The following ARHGEF3 variants were observed in gnomAD, a reference collection of about 807,000 sequenced individuals.
ARHGEF3 encodes 59.8 kDA protein.
ARHGEF3 carries 28 observed loss-of-function variants against 63.2 expected under a neutral mutation model. The ratio of observed to expected loss-of-function variants is 0.44; its 90% confidence interval spans 0.33 to 0.61. ARHGEF3 has a LOEUF of 0.61. Among genes scored for constraint, ARHGEF3 ranks in the 20% least tolerant of loss-of-function variants. The pLI is 0.03. For synonymous variants in ARHGEF3, 266 were observed against 254.2 expected (o/e 1.05, Z -0.44); for missense variants, 533 against 659.3 (o/e 0.81, Z 2.10).
chr3:56,827,213 A>C (rs1298850772), intron 4 of ARHGEF3, among the ~76,000 whole-genome samples: 1 of 152,252 alleles, frequency 6.6e-6, no homozygotes, highest in East Asian at 1.9e-4. Context: ...AAATATAGTT[A>C]CAACTCGTAT....
chr3:57,013,495 T>G (rs1032543009), intron 2 of ARHGEF3, among the ~76,000 whole-genome samples: 3 of 152,178 alleles, frequency 2.0e-5, no homozygotes, highest in African/African-American at 7.2e-5. Flanking sequence ...AGCTAGAGGA[T>G]TGTAAATGCA....
chr3:56,975,535 A>G (rs975878201), intron 2 of ARHGEF3, among the ~76,000 whole-genome samples: 1 of 152,246 alleles, frequency 6.6e-6, no homozygotes, highest in Non-Finnish European at 1.5e-5. Context: ...TTTGTCCTCA[A>G]AAAACTTTTA....
At position 57,055,666 on chromosome 3, in the gene ARHGEF3, A is replaced by T. The variant is rs148326446; in HGVS notation, c.-27-20490T>A. On this transcript the variant is annotated intron_variant, in intron 1 of 12. Transcript: ENST00000338458. ...GGGTAAAGTCCTGTCAGCTATGACC[A>T]CAAACCAGGCACACAAAAAGACCAA... 3.2e-4 allele frequency among the ~76,000 whole-genome samples: 48 copies of T among 152,310 alleles called. No homozygotes were observed. In the East Asian group the frequency reaches 7.1e-3, roughly 23 times the overall value.
intron 4 of ARHGEF3, among the ~76,000 whole-genome samples, chr3:56,822,493 A>G (rs1315126942): frequency 6.6e-6 from 1 of 152,224 alleles, no homozygotes; most frequent in African/African-American, 2.4e-5. Flanking sequence ...ACTGTTTATG[A>G]GGGCACCTAT....
chr3:56,836,466 G>C (rs1430594660), intron 4 of ARHGEF3, among the ~76,000 whole-genome samples: 4 of 152,100 alleles, frequency 2.6e-5, no homozygotes, highest in African/African-American at 9.7e-5. Context: ...TATTTTTTCA[G>C]TGACTCATTC....
chr3:56,818,186 C>G (rs2038339492), intron 4 of ARHGEF3, among the ~76,000 whole-genome samples: 1 of 152,188 alleles, frequency 6.6e-6, no homozygotes, highest in Non-Finnish European at 1.5e-5. Context: ...CCAAACAGAA[C>G]TGGGTGACCC....
chr3:57,020,219 C>T (rs1211147613), intron 2 of ARHGEF3, among the ~76,000 whole-genome samples: 1 of 152,134 alleles, frequency 6.6e-6, no homozygotes, highest in Non-Finnish European at 1.5e-5. Context: ...CCTGAAACTT[C>T]AGGTAGGGAC....
At chr3:57,002,424 C>CTA (rs55778548) in intron 2 of ARHGEF3, among the ~76,000 whole-genome samples, 1,834 of 62,634 alleles carry the variant, frequency 0.029, 102 homozygotes, top group Middle Eastern at 0.12. Context: ...GTTCTAAGCA[C>CTA]TATATATATA....
chr3:56,947,105 C>T (rs569320376), intron 3 of ARHGEF3, among the ~76,000 whole-genome samples: 28 of 152,258 alleles, frequency 1.8e-4, no homozygotes, highest in Middle Eastern at 3.4e-3. Flanking sequence ...CCAGGCCTGC[C>T]CTAAAACAGC....
At chr3:56,822,262 C>T (rs58477766) in intron 4 of ARHGEF3, among the ~76,000 whole-genome samples, 94 of 152,244 alleles carry the variant, frequency 6.2e-4, no homozygotes, top group African/African-American at 2.2e-3. Context: ...CCCTTAAGAT[C>T]GCACAGCTAG....
intron 1 of ARHGEF3, among the ~76,000 whole-genome samples, chr3:56,795,185 A>C (rs2037288003): frequency 6.6e-6 from 1 of 152,160 alleles, no homozygotes; most frequent in Admixed American, 6.5e-5. Context: ...ATGTGGAACG[A>C]GTGGATACAG....
At chr3:57,067,538 T>C (rs968821793) in intron 1 of ARHGEF3, among the ~76,000 whole-genome samples, 2 of 149,854 alleles carry the variant, frequency 1.3e-5, no homozygotes, top group Non-Finnish European at 3.0e-5. Flanking sequence ...ATATTTGTTT[T>C]CAAATGCAAC....
At chr3:56,782,470 C>G (rs1464337918) in intron 1 of ARHGEF3, among the ~76,000 whole-genome samples, 1 of 151,906 alleles carries the variant, frequency 6.6e-6, no homozygotes, top group Admixed American at 6.6e-5. Flanking sequence ...TTTGTCTTGG[C>G]TAATCTCAAA....
intron 4 of ARHGEF3, among the ~76,000 whole-genome samples, chr3:56,856,701 G>GTGTTTTTT (rs2039895488): frequency 9.4e-6 from 1 of 106,574 alleles, no homozygotes; most frequent in Non-Finnish European, 2.1e-5. Context: ...ATCTTGAGAG[G>GTGTTTTTT]TTTTTTGTTT....
chr3:56,877,545 A>AT (rs914187847), intron 4 of ARHGEF3, among the ~76,000 whole-genome samples: 2 of 151,266 alleles, frequency 1.3e-5, no homozygotes, highest in African/African-American at 4.9e-5. Context: ...CTAATTTTTT[A>AT]TTTTTTTTGT....
chr3:57,055,328 AT>A (rs1278908889), intron 1 of ARHGEF3, among the ~76,000 whole-genome samples: 1 of 151,700 alleles, frequency 6.6e-6, no homozygotes, highest in Admixed American at 6.6e-5. Context: ...AGCCTGGCTA[AT>A]TTTCGTATTT....
chr3:56,775,043 C>T lies in ARHGEF3; in HGVS notation c.97-1227G>A, dbSNP rs752343975. On this transcript the variant is annotated intron_variant, in intron 1 of 9. Transcript: ENST00000296315. ...CATCTGACCTGTAGTAGATGCTAGA[C>T]AGCACATGAAGATACCAAATTTTGA... 3 of 1,551,174 alleles carry T rather than the reference C, an allele frequency of 1.9e-6. No individual in the cohort carries two copies. The South Asian group carries it at 3.6e-5, about 18-fold the overall frequency.
At chr3:56,898,645 G>T in intron 3 of ARHGEF3, 1 of 248,184 alleles carries the variant, frequency 4.0e-6, no homozygotes. Context: ...AGAACTGGTG[G>T]GGAGTGGGAA....
chr3:56,785,773 A>T (rs556032452), intron 1 of ARHGEF3, among the ~76,000 whole-genome samples: 78 of 152,326 alleles, frequency 5.1e-4, no homozygotes, highest in Middle Eastern at 6.8e-3. Context: ...AGGCAAGCAA[A>T]GCTGACAGTC....
Sources: allele counts gnomAD v4.1 joint callset (sites outside exome capture counted in the v4.1 genomes callset), GRCh38; gene constraint gnomAD v4.1.1; transcripts MANE v1.5; gene names NCBI Gene and HGNC (gene_info 2026-07-23, HGNC 2026-07-21).